Variants in CPNE5 observed in about 807,000 individuals in gnomAD.
CPNE5 encodes the protein copine 5, also known as copine-5.
In CPNE5, 42 loss-of-function variants were observed where a neutral mutation model predicts 81.1. That is an observed-to-expected ratio of 0.52 (90% CI 0.40 to 0.67). The LOEUF (loss-of-function observed/expected upper bound fraction) is 0.67. Among genes scored for constraint, CPNE5 ranks in the 30% least tolerant of loss-of-function variants. The probability of loss-of-function intolerance (pLI) is 0.00; values close to 1 mark genes in which losing one functional copy is unlikely to be tolerated. For synonymous variants in CPNE5, 313 were observed against 321.5 expected (o/e 0.97, Z 0.28); for missense variants, 612 against 815.5 (o/e 0.75, Z 3.04).
intron 3 of CPNE5, among the ~76,000 whole-genome samples, chr6:36,818,139 A>AC (rs1332667357): frequency 6.6e-6 from 1 of 151,886 alleles, no homozygotes; most frequent in African/African-American, 2.4e-5. Context: ...GTTCCTTCCA[A>AC]CCCATATCTC....
chr6:36,830,574 C>G (rs1428756318), intron 1 of CPNE5, among the ~76,000 whole-genome samples: 1 of 152,226 alleles, frequency 6.6e-6, no homozygotes, highest in Non-Finnish European at 1.5e-5. Context: ...AGCTCTCCTT[C>G]CTGGGGCAAT....
intron 3 of CPNE5, among the ~76,000 whole-genome samples, chr6:36,801,774 G>A (rs1383415281): frequency 6.6e-6 from 1 of 152,194 alleles, no homozygotes; most frequent in Non-Finnish European, 1.5e-5. Flanking sequence ...GATGCAGAAA[G>A]TAGAATGGCA....
chr6:36,835,657 G>A (rs1401116261), intron 1 of CPNE5, among the ~76,000 whole-genome samples: 2 of 152,132 alleles, frequency 1.3e-5, no homozygotes, highest in Non-Finnish European at 1.5e-5. Flanking sequence ...TTAGCCCTGT[G>A]TGGAGGCAGG....
In CPNE5 at chr6:36,780,209, C is replaced by T. The variant is rs571246880; in HGVS notation, c.529-1252G>A. On this transcript the variant is annotated intron_variant, in intron 8 of 20. Coordinates refer to ENST00000244751, the MANE Select transcript of CPNE5 (RefSeq NM_020939.2). The stretch of plus-strand genomic sequence containing the variant: ...CGATATTCTGACCTCATGATCCGCC[C>T]GCCTCAGCCTCCCAAAGTGCTGGGA... 5.3e-5 allele frequency among the ~76,000 whole-genome samples: 8 copies of T among 152,264 alleles called. No homozygotes were observed. The East Asian group carries it at 5.8e-4, about 11-fold the overall frequency.
chr6:36,799,171 C>G (rs1373735455), intron 4 of CPNE5, among the ~76,000 whole-genome samples: 3 of 152,202 alleles, frequency 2.0e-5, no homozygotes, highest in Non-Finnish European at 2.9e-5. Context: ...ACAGCCATGC[C>G]AGGCCCAGAT....
At chr6:36,788,820 A>G (rs2150499024) in intron 8 of CPNE5, among the ~76,000 whole-genome samples, 1 of 152,344 alleles carries the variant, frequency 6.6e-6, no homozygotes, top group Non-Finnish European at 1.5e-5. Flanking sequence ...TTTAAATTCC[A>G]GATGAACAAG....
intron 8 of CPNE5, among the ~76,000 whole-genome samples, chr6:36,790,116 C>G (rs922593212): frequency 2.0e-5 from 3 of 152,134 alleles, no homozygotes; most frequent in African/African-American, 7.2e-5. Context: ...TTGGACCGAT[C>G]AATTAACCTC....
intron 3 of CPNE5, among the ~76,000 whole-genome samples, chr6:36,807,950 G>A (rs1294118229): frequency 2.6e-5 from 4 of 152,228 alleles, no homozygotes; most frequent in Non-Finnish European, 5.9e-5. Flanking sequence ...ACAAAAGGCA[G>A]GAGGAGCCCT....
rs1763618098 is a variant in CPNE5 at position 36,742,022 on chromosome 6, A to G, written c.*246T>C. 2.0e-6 allele frequency: 1 copy of G among 489,984 alleles called. No homozygotes were observed. The highest frequency in any genetic ancestry group is 3.5e-5 in the Admixed American group (1 of 28,428). The allele number at this position is 489,984 out of a possible 1,614,324, so 30.4% of individuals were successfully genotyped here. ...GCTGGGTTAGAGCCAGGTATTGGGG[A>G]AGAAGAGAAGGGCTGGGTCCCTGTG... On this transcript the variant is annotated 3_prime_UTR_variant, in exon 21 of 21. Coordinates refer to ENST00000244751, the MANE Select transcript of CPNE5 (RefSeq NM_020939.2).
At chr6:36,776,229 T>A (rs999836370) in intron 9 of CPNE5, among the ~76,000 whole-genome samples, 10 of 152,202 alleles carry the variant, frequency 6.6e-5, no homozygotes, top group African/African-American at 2.2e-4. Flanking sequence ...CCCAGCTACA[T>A]CTCTGGTTAG....
intron 8 of CPNE5, among the ~76,000 whole-genome samples, chr6:36,779,689 C>G (rs1376210769): frequency 6.6e-6 from 1 of 152,240 alleles, no homozygotes; most frequent in African/African-American, 2.4e-5. Flanking sequence ...AGTCCCCAGC[C>G]CTGCTCCCTG....
chr6:36,791,733 C>T (rs1177018719), intron 8 of CPNE5, among the ~76,000 whole-genome samples: 3 of 152,148 alleles, frequency 2.0e-5, no homozygotes, highest in South Asian at 4.1e-4. Flanking sequence ...CTCAAGGACA[C>T]GTGAGTGGTG....
intron 8 of CPNE5, among the ~76,000 whole-genome samples, chr6:36,787,969 G>A (rs1379037631): frequency 6.6e-6 from 1 of 152,102 alleles, no homozygotes; most frequent in Non-Finnish European, 1.5e-5. Flanking sequence ...GGGGAACCAA[G>A]GGGCTGGGAA....
rs376702631 is a variant in CPNE5, at chr6:36,765,423, C to T, written c.738-47G>A. On this transcript the variant is annotated intron_variant, in intron 10 of 20. Transcript: ENST00000244751. ...TGGGATGGGCCCAACCCCACACCCACGTGGCTGAGGATGGGGCCCTCTTCA... is the reference window on the plus strand; with the variant it reads ...TGGGATGGGCCCAACCCCACACCCATGTGGCTGAGGATGGGGCCCTCTTCA... 105 of 1,610,558 alleles carry T rather than the reference C, an allele frequency of 6.5e-5. No homozygotes were observed. The African/African-American group carries it at 7.6e-4, about 12-fold the overall frequency.
chr6:36,839,558 G>A (rs1226416539), upstream of CPNE5: 4 of 509,756 alleles, frequency 7.8e-6, no homozygotes, highest in Non-Finnish European at 1.4e-5. This position sits in a 1 kb window ranked among gnomAD's most constrained non-coding sequence, Gnocchi z 7.3. Context: ...GGAGGGAGCG[G>A]GGGCCGCGGA....
At chr6:36,778,824 G>T in intron 9 of CPNE5, 30 bp downstream of exon 9, 1 of 1,418,642 alleles carries the variant, frequency 7.0e-7, no homozygotes, top group Non-Finnish European at 1.0e-6. Flanking sequence ...ACGAGAAGGT[G>T]CAGTGCACAA....
Position 36,743,757 on chromosome 6 carries a change from C to A in CPNE5, c.1495G>T (p.Val499Leu), listed in dbSNP as rs780205116. Residue 499 changes from valine (V) to leucine (L), a missense_variant, in exon 20 of 21, where the codon GTG becomes TTG. Physicochemically the swap from Val to Leu is conservative, Grantham distance 32. Coordinates refer to ENST00000244751, the MANE Select transcript of CPNE5 (RefSeq NM_020939.2). ...GVGQAEFDAM[V>L]ELDGDDVRIS... ...CGCACGTCGTCGCCATCCAGCTCCA[C>A]CATGGCTGTGAGGGGAGGAGTGTCA... 3.7e-6 allele frequency: 6 copies of A among 1,611,838 alleles called. No individual in the cohort carries two copies. The highest frequency in any genetic ancestry group is 5.1e-6 in the Non-Finnish European group (6 of 1,179,882).
In CPNE5 at chr6:36,746,461, A is replaced by G. The variant is rs773282449; in HGVS notation, c.1135T>C (p.Phe379Leu). 1.9e-6 allele frequency: 3 copies of G among 1,613,538 alleles called. No homozygotes were observed. Among genetic ancestry groups the G allele is most frequent in the Non-Finnish European group, 2.5e-6 (3 of 1,179,710 alleles). The change falls in exon 16 of 21, where the codon TTC becomes CTC. Residue 379 changes from phenylalanine (F) to leucine (L), a missense_variant. By Grantham distance (22) the Phe-to-Leu change is conservative. Transcript: ENST00000244751. The surrounding 1 kb of genome is among the most constrained non-coding windows in gnomAD (Gnocchi z 4.5). ...IIQHYDSDKMFPALGFGAKLP... is the reference protein window; with the variant it reads ...IIQHYDSDKMLPALGFGAKLP... ...TTGGCCCCGAAGCCCAGGGCAGGGA[A>G]CATCTTGTCACTGTCGTAGTGCTGG...
intron 20 of CPNE5, chr6:36,743,381 A>G (rs1357730783): frequency 2.4e-6 from 1 of 424,036 alleles, no homozygotes; most frequent in Non-Finnish European, 3.2e-6. Context: ...GGGGCAGAAA[A>G]AAACCAGAAC....
Sources: gnomAD v4.1 joint callset for allele counts (sites outside exome capture counted in the v4.1 genomes callset) on GRCh38, gnomAD v4.1.1 for gene constraint, Gnocchi (gnomAD v3.1) non-coding constraint, MANE v1.5 for transcripts, NCBI Gene and HGNC (gene_info 2026-07-23, HGNC 2026-07-21) for gene names.